The following SPARCL1 variants were observed in gnomAD, a reference collection of about 807,000 sequenced individuals.
SPARCL1 encodes the protein SPARC-like protein 1.
In SPARCL1, 52 loss-of-function variants were observed where a neutral mutation model predicts 67.1. The ratio of observed to expected loss-of-function variants is 0.78; its 90% CI spans 0.62 to 0.98. SPARCL1 has a LOEUF of 0.98. Ranked by LOEUF, SPARCL1 falls within the 50% of genes least tolerant of loss-of-function variation. The pLI is 0.00. For synonymous variants in SPARCL1, 226 were observed against 267.8 expected, an observed-to-expected ratio of 0.84 and a Z score of 1.52; for missense variants, 717 against 782.4, an observed-to-expected ratio of 0.92 and a Z score of 1.00.
intron 7 of SPARCL1, among the ~76,000 whole-genome samples, chr4:87,485,429 G>A (rs1187788665): frequency 6.6e-6 from 1 of 152,064 alleles, no homozygotes; most frequent in Non-Finnish European, 1.5e-5. Flanking sequence ...CTTGATTGTG[G>A]TAGATAAGCT....
intron 5 of SPARCL1, 78 bp from the exon 6 acceptor site, chr4:87,490,956 A>C: frequency 1.1e-6 from 1 of 871,532 alleles, no homozygotes; most frequent in South Asian, 2.2e-5. Flanking sequence ...AACTAGTTTC[A>C]TTTTCACTAA....
chr4:87,505,724 G>GGTTTTTTTTTT (rs55992030), intron 1 of SPARCL1, among the ~76,000 whole-genome samples: 1 of 141,112 alleles, frequency 7.1e-6, no homozygotes. Flanking sequence ...TCAGCTAATT[G>GGTTTTTTTTTT]TTTTTTTTTT....
At chr4:87,502,404 T>C (rs1724889394) in intron 1 of SPARCL1, among the ~76,000 whole-genome samples, 1 of 152,220 alleles carries the variant, frequency 6.6e-6, no homozygotes, top group Non-Finnish European at 1.5e-5. Flanking sequence ...CTTTAACAAA[T>C]AGCTCCCTAT....
chr4:87,511,283 G>C (rs1018130661), intron 1 of SPARCL1, among the ~76,000 whole-genome samples: 3 of 152,198 alleles, frequency 2.0e-5, no homozygotes, highest in African/African-American at 7.2e-5. Context: ...AGGAATATGA[G>C]AAGGAAAAGT....
At chr4:87,501,619 T>A (rs983394756) in intron 1 of SPARCL1, among the ~76,000 whole-genome samples, 1 of 152,104 alleles carries the variant, frequency 6.6e-6, no homozygotes. Flanking sequence ...GAACATAGTA[T>A]TTTTTTCTTC....
chr4:87,497,394 G>T (rs1381210644), intron 2 of SPARCL1, among the ~76,000 whole-genome samples: 1 of 152,184 alleles, frequency 6.6e-6, no homozygotes, highest in Non-Finnish European at 1.5e-5. Context: ...TGGAGAACTG[G>T]TCACTCTCTC....
At chr4:87,488,017 G>C (rs1251414039) in intron 7 of SPARCL1, among the ~76,000 whole-genome samples, 1 of 152,102 alleles carries the variant, frequency 6.6e-6, no homozygotes, top group East Asian at 1.9e-4. Flanking sequence ...AAGGTTCTTA[G>C]CTTCCTTGTA....
intron 1 of SPARCL1, among the ~76,000 whole-genome samples, chr4:87,516,239 A>G (rs893626935): frequency 6.6e-6 from 1 of 152,256 alleles, no homozygotes; most frequent in East Asian, 1.9e-4. Context: ...AGATCAGCTC[A>G]TCTCCTAGCT....
At chr4:87,489,023 G>A (rs1360087306) in intron 7 of SPARCL1, among the ~76,000 whole-genome samples, 2 of 152,190 alleles carry the variant, frequency 1.3e-5, no homozygotes, top group Non-Finnish European at 2.9e-5. Context: ...TAGCTTGCTG[G>A]GCTCTGTGGG....
chr4:87,495,857 G>C (rs574040349), intron 2 of SPARCL1, among the ~76,000 whole-genome samples: 1 of 152,200 alleles, frequency 6.6e-6, no homozygotes, highest in Non-Finnish European at 1.5e-5. Flanking sequence ...CTTGAACCCT[G>C]GAGGCGGAGG....
intron 10 of SPARCL1, among the ~76,000 whole-genome samples, chr4:87,474,251 A>C (rs1476717940): frequency 6.6e-6 from 1 of 152,216 alleles, no homozygotes; most frequent in Non-Finnish European, 1.5e-5. Context: ...CTGTGGAAGA[A>C]GACAGCATCC....
At chr4:87,497,288 A>G (rs772550839) in intron 2 of SPARCL1, 161 of 899,794 alleles carry the variant, frequency 1.8e-4, no homozygotes, top group Non-Finnish European at 2.0e-4. Flanking sequence ...GCCTTAAAGA[A>G]GGGGGAAAAG....
intron 1 of SPARCL1, among the ~76,000 whole-genome samples, chr4:87,509,891 T>C (rs1305820753): frequency 6.6e-6 from 1 of 152,174 alleles, no homozygotes; most frequent in African/African-American, 2.4e-5. Flanking sequence ...ACCAGTAGCA[T>C]GACCTGTGAG....
intron 9 of SPARCL1, 54 bp downstream of exon 9, chr4:87,480,318 T>G: frequency 6.8e-7 from 1 of 1,463,418 alleles, no homozygotes; most frequent in Non-Finnish European, 9.2e-7. Flanking sequence ...CATAGATATG[T>G]AGATATTTTA....
At chr4:87,496,461 T>G (rs1336232483) in intron 2 of SPARCL1, among the ~76,000 whole-genome samples, 1 of 152,078 alleles carries the variant, frequency 6.6e-6, no homozygotes, top group Non-Finnish European at 1.5e-5. Context: ...TCAAGCAATC[T>G]TCCTGTCTTG....
chr4:87,509,592 A>G (rs1725260203), intron 1 of SPARCL1, among the ~76,000 whole-genome samples: 1 of 152,240 alleles, frequency 6.6e-6, no homozygotes, highest in Non-Finnish European at 1.5e-5. Flanking sequence ...GTGAAGTTGC[A>G]GAAGCATCGA....
At position 87,499,556 on chromosome 4, in the gene SPARCL1, A is replaced by G. The variant is rs1724763374; in HGVS notation, c.19T>C (p.Phe7Leu). MKTGLF[F>L]LCLLGTAAAI... is the part of the protein sequence containing the mutation. ...GCTGCAGTTCCCAAGAGACATAGGA[A>G]AAAAAGCCCAGTCTTCATGCTTTCC... Residue 7 changes from phenylalanine to leucine, a missense_variant, in exon 2 of 11, where the codon TTC becomes CTC. Physicochemically the swap from Phe to Leu is conservative, Grantham distance 22 (BLOSUM62 0). Coordinates refer to ENST00000282470, the MANE Select transcript of SPARCL1 (RefSeq NM_004684.6). 4 of 1,592,396 alleles carry G rather than the reference A, an allele frequency of 2.5e-6. No homozygotes were observed. Among genetic ancestry groups the G allele is most frequent in the Non-Finnish European group, 3.4e-6 (4 of 1,175,024 alleles).
intron 1 of SPARCL1, among the ~76,000 whole-genome samples, chr4:87,526,336 T>C (rs1175140303): frequency 6.6e-6 from 1 of 152,224 alleles, no homozygotes; most frequent in Non-Finnish European, 1.5e-5. Context: ...ATTTCCTTCT[T>C]GATCTCCATT....
intron 1 of SPARCL1, among the ~76,000 whole-genome samples, chr4:87,512,918 AGC>A (rs1211742718): frequency 6.6e-6 from 1 of 152,224 alleles, no homozygotes; most frequent in Admixed American, 6.5e-5. Context: ...CAAATTGTGT[AGC>A]TTTTGGGGGC....
Sources: allele counts gnomAD v4.1 joint callset (sites outside exome capture counted in the v4.1 genomes callset), GRCh38; gene constraint gnomAD v4.1.1; transcripts MANE v1.5; gene names NCBI Gene and HGNC (gene_info 2026-07-23, HGNC 2026-07-21).